The following SMCHD1 variants were observed in gnomAD, a reference collection of about 807,000 sequenced individuals.
SMCHD1 encodes structural maintenance of chromosomes flexible hinge domain containing 1, also known as structural maintenance of chromosomes flexible hinge domain-containing protein 1.
SMCHD1 carries 78 observed loss-of-function variants against 254.7 expected under a neutral mutation model. The observed-to-expected ratio is 0.31, with a 90% CI of 0.26 to 0.37. SMCHD1 has a LOEUF of 0.37. Among genes scored for constraint, SMCHD1 ranks in the 10% least tolerant of loss-of-function variants. The pLI, the probability that SMCHD1 is intolerant of heterozygous loss-of-function variation, is 1.00. For missense variants in SMCHD1, 1,840 were observed against 2,408.1 expected (o/e 0.76, Z 4.94); for synonymous variants, 766 against 794.9 (o/e 0.96, Z 0.61).
chr18:2,677,139 T>C (rs985516041), intron 5 of SMCHD1, among the ~76,000 whole-genome samples: 5 of 92,748 alleles, frequency 5.4e-5, no homozygotes, highest in Non-Finnish European at 1.5e-4. Flanking sequence ...TTTAGTATTT[T>C]ATTATGAACA....
At chr18:2,784,384 A>G in intron 44 of SMCHD1, 66 bp from the exon 45 acceptor site, 3 of 1,330,650 alleles carry the variant, frequency 2.3e-6, no homozygotes, top group Non-Finnish European at 3.1e-6. Flanking sequence ...ACTTTAAATT[A>G]TTTCTCCTTT....
chr18:2,712,570 A>G (rs1033416852), intron 17 of SMCHD1, among the ~76,000 whole-genome samples: 5 of 152,112 alleles, frequency 3.3e-5, no homozygotes, highest in African/African-American at 1.2e-4. Flanking sequence ...TGCAGGGCCA[A>G]CCACAGGAGT....
intron 17 of SMCHD1, among the ~76,000 whole-genome samples, chr18:2,715,467 A>G (rs1385435990): frequency 1.3e-5 from 2 of 152,140 alleles, no homozygotes; most frequent in African/African-American, 4.8e-5. Flanking sequence ...ACAAAAAACT[A>G]TGCCTTTGGT....
At chr18:2,708,907 T>TATATATATATATATATATATATATA (rs769432583) in intron 17 of SMCHD1, among the ~76,000 whole-genome samples, 1 of 44,704 alleles carries the variant, frequency 2.2e-5, no homozygotes, top group Non-Finnish European at 4.0e-5. Context: ...TATATATATA[T>TATATATATATATATATATATATATA]AACATATTAA....
At chr18:2,802,409 G>T in intron 47 of SMCHD1, 119 bp from the exon 48 acceptor site, 1 of 730,648 alleles carries the variant, frequency 1.4e-6, no homozygotes, top group Non-Finnish European at 2.2e-6. Context: ...TTTATACCAA[G>T]AATTATATTT....
intron 42 of SMCHD1, among the ~76,000 whole-genome samples, chr18:2,776,389 A>AT (rs71365200): frequency 7.1e-4 from 105 of 148,152 alleles, no homozygotes; most frequent in African/African-American, 1.3e-3. Flanking sequence ...GCCCAGCTAA[A>AT]TTTTTTTTTT....
In SMCHD1 at chr18:2,774,603, G is replaced by T. The variant is rs142572321; in HGVS notation, c.5176-1131G>T. On this transcript the variant is annotated intron_variant, in intron 41 of 47. Transcript: ENST00000320876. ...TTTTTTGTATTTTTAGTGGAGATGGGGTTTCGTGATGTTGCCCAAGCTGGT... is the reference window on the plus strand; with the variant it reads ...TTTTTTGTATTTTTAGTGGAGATGGTGTTTCGTGATGTTGCCCAAGCTGGT... 4.3e-3 allele frequency among the ~76,000 whole-genome samples: 660 copies of T among 152,154 alleles called. 6 individuals are homozygous for T. The highest frequency in any genetic ancestry group is 0.034 in the South Asian group (165 of 4,822).
intron 5 of SMCHD1, among the ~76,000 whole-genome samples, chr18:2,687,365 T>C (rs74929777): frequency 0.077 from 11,752 of 152,276 alleles, 577 homozygotes; most frequent in Non-Finnish European, 0.11. Context: ...TTTATTTTTC[T>C]CTAGTTGACA....
At chr18:2,667,967 C>T (rs1421923322) in intron 3 of SMCHD1, among the ~76,000 whole-genome samples, 3 of 152,104 alleles carry the variant, frequency 2.0e-5, no homozygotes, top group African/African-American at 7.2e-5. Flanking sequence ...GCAACCTCTG[C>T]CTCCTAAGTT....
At chr18:2,785,956 T>C (rs1317202696) in intron 45 of SMCHD1, among the ~76,000 whole-genome samples, 4 of 152,338 alleles carry the variant, frequency 2.6e-5, no homozygotes, top group Admixed American at 2.6e-4. Context: ...GGCTGAATAA[T>C]ATATATTTCA....
At chr18:2,696,397 T>A (rs2074286110) in intron 8 of SMCHD1, among the ~76,000 whole-genome samples, 1 of 152,174 alleles carries the variant, frequency 6.6e-6, no homozygotes, top group Non-Finnish European at 1.5e-5. Context: ...ACTAGATTTC[T>A]CATAGGAGCA....
At chr18:2,672,026 T>C (rs2073620882) in intron 3 of SMCHD1, among the ~76,000 whole-genome samples, 2 of 152,186 alleles carry the variant, frequency 1.3e-5, no homozygotes, top group Non-Finnish European at 2.9e-5. Flanking sequence ...ACTCATTTCT[T>C]CCTTCCAAAT....
chr18:2,712,387 A>C (rs1489849738), intron 17 of SMCHD1, among the ~76,000 whole-genome samples: 1 of 152,164 alleles, frequency 6.6e-6, no homozygotes, highest in African/African-American at 2.4e-5. Context: ...TCTGTAACCA[A>C]TCTATCACCA....
intron 1 of SMCHD1, among the ~76,000 whole-genome samples, chr18:2,661,357 G>T (rs1481506202): frequency 6.6e-6 from 1 of 151,966 alleles, no homozygotes; most frequent in Non-Finnish European, 1.5e-5. Context: ...AAGATAGTTT[G>T]TGTGTCTTAA....
intron 34 of SMCHD1, among the ~76,000 whole-genome samples, chr18:2,755,514 A>G (rs2075655846): frequency 6.7e-6 from 1 of 150,022 alleles, no homozygotes; most frequent in African/African-American, 2.5e-5. Flanking sequence ...AGGATTTATA[A>G]TAGTAGGTTT....
At chr18:2,677,017 A>C (rs1472430182) in intron 5 of SMCHD1, among the ~76,000 whole-genome samples, 1 of 152,008 alleles carries the variant, frequency 6.6e-6, no homozygotes, top group Non-Finnish European at 1.5e-5. Context: ...TAGTTTCCCT[A>C]GCTTTTGTGT....
intron 17 of SMCHD1, among the ~76,000 whole-genome samples, chr18:2,715,072 T>C (rs1010665159): frequency 1.3e-5 from 2 of 152,234 alleles, no homozygotes; most frequent in African/African-American, 2.4e-5. Context: ...AATTTCTATA[T>C]ATTGTAGTGA....
Position 2,763,867 on chromosome 18 carries a change from T to A in SMCHD1, c.4719+78T>A, listed in dbSNP as rs1049358899. ...ACCACCATATTAAGACACCTTTTCT[T>A]TTGTATAGCTATGAAGATGTTCTAA... On this transcript the variant is annotated intron_variant, in intron 37 of 47. Coordinates refer to ENST00000320876, the MANE Select transcript of SMCHD1 (RefSeq NM_015295.3). 2.3e-6 allele frequency: 3 copies of A among 1,304,696 alleles called. No homozygotes were observed. In the African/African-American group the frequency reaches 4.6e-5, roughly 20 times the overall value. The allele number at this position is 1,304,696 out of a possible 1,614,324, so 80.8% of individuals were successfully genotyped here.
intron 45 of SMCHD1, among the ~76,000 whole-genome samples, chr18:2,790,148 C>T (rs772344412): frequency 3.9e-5 from 6 of 152,182 alleles, no homozygotes; most frequent in Non-Finnish European, 8.8e-5. Context: ...CGCCACTGCA[C>T]TCCAGCCTGG....
Sources: gnomAD v4.1 joint callset for allele counts (sites outside exome capture counted in the v4.1 genomes callset) on GRCh38, gnomAD v4.1.1 for gene constraint, MANE v1.5 for transcripts, NCBI Gene and HGNC (gene_info 2026-07-23, HGNC 2026-07-21) for gene names.